Variants in VWC2 observed in about 807,000 individuals in gnomAD.
The protein encoded by VWC2 is brorin.
In VWC2, 14 loss-of-function variants were observed where a neutral mutation model predicts 29.8. The observed-to-expected ratio is 0.47, with a 90% CI of 0.31 to 0.74. The LOEUF (loss-of-function observed/expected upper bound fraction) is 0.74, where lower values mean the gene tolerates loss of function less well. Among genes scored for constraint, VWC2 ranks in the 30% least tolerant of loss-of-function variants. The pLI, the probability that VWC2 is intolerant of heterozygous loss-of-function variation, is 0.05. For missense variants in VWC2, 457 were observed against 459.8 expected (o/e 0.99, Z 0.05); for synonymous variants, 213 against 199.0 (o/e 1.07, Z -0.59).
intron 3 of VWC2, among the ~76,000 whole-genome samples, chr7:49,872,915 C>CAAAAAAAAAAAAAAAA (rs61473396): frequency 2.1e-4 from 7 of 33,948 alleles, no homozygotes; most frequent in Non-Finnish European, 3.2e-4. Flanking sequence ...GACTTTGTCT[C>CAAAAAAAAAAAAAAAA]AAAAAAAAAA....
intron 3 of VWC2, among the ~76,000 whole-genome samples, chr7:49,906,401 C>A (rs185983368): frequency 3.9e-5 from 6 of 152,014 alleles, no homozygotes; most frequent in African/African-American, 1.4e-4. Flanking sequence ...GTGGCGGCGA[C>A]CTCAGCTCAC....
At chr7:49,843,359 C>T (rs1039831043) in intron 3 of VWC2, among the ~76,000 whole-genome samples, 6 of 152,090 alleles carry the variant, frequency 3.9e-5, no homozygotes, top group Admixed American at 6.6e-5. Flanking sequence ...ATCTCCCAAG[C>T]GAAGAGGAGA....
Position 49,775,808 on chromosome 7 carries a change from G to T in VWC2, c.373G>T (p.Ala125Ser). 2 of 1,538,004 alleles carry T rather than the reference G, an allele frequency of 1.3e-6. No individual in the cohort carries two copies. The highest frequency in any genetic ancestry group is 1.8e-6 in the Non-Finnish European group (2 of 1,142,082). Reference protein sequence around the residue: ...GDTPQAEALAAAAQDAIGPEL... With the variant: ...GDTPQAEALASAAQDAIGPEL... The stretch of plus-strand genomic sequence containing the variant: ...CACCCCGCAGGCGGAAGCCCTGGCC[G>T]CAGCCGCCCAGGACGCGATTGGCCC... Residue 125 changes from alanine to serine, a missense_variant, in exon 2 of 4, where the codon GCA becomes TCA. Transcript: ENST00000340652.
At chr7:49,901,569 G>T (rs1011963390) in intron 3 of VWC2, among the ~76,000 whole-genome samples, 2 of 151,658 alleles carry the variant, frequency 1.3e-5, no homozygotes, top group Non-Finnish European at 3.0e-5. Flanking sequence ...TATATAAATA[G>T]AGAGATGTTT....
At position 49,921,608 on chromosome 7, in the gene VWC2, A is replaced by G. The variant is rs1794021182; in HGVS notation, c.*9423A>G. ...GATTAAATGAGTGAATATTTGTAAA[A>G]CACGTAGCCTAGAATAGATATTTAT... On this transcript the variant is annotated 3_prime_UTR_variant, in exon 4 of 4. Transcript: ENST00000340652. 1 of 152,166 alleles carries G rather than the reference A, an allele frequency of 6.6e-6. No individual in the cohort carries two copies. The allele number at this position is 152,166 out of a possible 1,614,324, so 9.4% of individuals were successfully genotyped here.
intron 3 of VWC2, among the ~76,000 whole-genome samples, chr7:49,902,380 GA>G (rs1450641131): frequency 6.6e-6 from 1 of 152,010 alleles, no homozygotes; most frequent in African/African-American, 2.4e-5. Context: ...GTATTGTGAA[GA>G]GGACAGACAC....
rs1791879151 is a variant in VWC2, at chr7:49,885,813, C to G, written c.827-26221C>G. 1.3e-5 allele frequency among the ~76,000 whole-genome samples: 2 copies of G among 152,190 alleles called. 1 individual carries two copies. Among genetic ancestry groups the G allele is most frequent in the South Asian group, 4.1e-4 (2 of 4,828 alleles). Reference sequence around the variant, plus strand: ...TGGACCACTAGCACCGGGGACGCAGCCCTGGAGCTGAGAAGCAGCAGCTGG... The same window carrying G: ...TGGACCACTAGCACCGGGGACGCAGGCCTGGAGCTGAGAAGCAGCAGCTGG... On this transcript the variant is annotated intron_variant, in intron 3 of 3. Coordinates refer to ENST00000340652, the MANE Select transcript of VWC2 (RefSeq NM_198570.5).
chr7:49,794,803 A>G (rs1193010284), intron 2 of VWC2, among the ~76,000 whole-genome samples: 1 of 151,976 alleles, frequency 6.6e-6, no homozygotes, highest in Non-Finnish European at 1.5e-5. Context: ...ACACCTCTCC[A>G]TCCTCATCCT....
At chr7:49,874,866 G>T (rs1017740992) in intron 3 of VWC2, among the ~76,000 whole-genome samples, 1 of 151,890 alleles carries the variant, frequency 6.6e-6, no homozygotes, top group Non-Finnish European at 1.5e-5. Context: ...CAGAGAGTAT[G>T]GCCAGAACCT....
rs995943511 is a variant in VWC2 at position 49,802,949 on chromosome 7, T to C, written c.826+109T>C. The C allele has an allele frequency of 2.0e-5, 29 of 1,437,560 alleles. No individual in the cohort carries two copies. The African/African-American group carries it at 2.2e-4, about 11-fold the overall frequency. The allele number at this position is 1,437,560 out of a possible 1,614,324, so 89.1% of individuals were successfully genotyped here. ...ATACGGATACGTGAGTTTCATCCTATGTATCAATACACATGCGTACACACG... is the reference window on the plus strand; with the variant it reads ...ATACGGATACGTGAGTTTCATCCTACGTATCAATACACATGCGTACACACG... On this transcript the variant is annotated intron_variant, in intron 3 of 3. Coordinates refer to ENST00000340652, the MANE Select transcript of VWC2 (RefSeq NM_198570.5).
In VWC2 at chr7:49,871,908, A is replaced by AACACAC. The variant is rs72332840; in HGVS notation, c.827-40081_827-40076dup. 9.5e-3 allele frequency among the ~76,000 whole-genome samples: 832 copies of AACACAC among 87,904 alleles called. 6 individuals are homozygous for AACACAC. The highest frequency in any genetic ancestry group is 0.019 in the South Asian group (37 of 1,992). 57.7% of individuals were successfully genotyped at this position (87,904 alleles called of 152,430 possible). On this transcript the variant is annotated intron_variant, in intron 3 of 3. Transcript: ENST00000340652. ...TTTTGTATGTATATGTGTGTATATA[A>AACACAC]ACACACACACACACACACACACACA...
At chr7:49,826,287 CAAG>C (rs966296728) in intron 3 of VWC2, among the ~76,000 whole-genome samples, 11 of 151,998 alleles carry the variant, frequency 7.2e-5, no homozygotes, top group Non-Finnish European at 1.5e-4. Context: ...AATGAAGACA[CAAG>C]AAATCTTTAA....
At chr7:49,845,419 T>G (rs1354584040) in intron 3 of VWC2, among the ~76,000 whole-genome samples, 3 of 152,240 alleles carry the variant, frequency 2.0e-5, no homozygotes, top group Admixed American at 2.0e-4. Flanking sequence ...CAACAATGCT[T>G]GTGATTATTA....
chr7:49,795,767 T>C (rs953202306), intron 2 of VWC2, among the ~76,000 whole-genome samples: 3 of 152,254 alleles, frequency 2.0e-5, no homozygotes, highest in Non-Finnish European at 4.4e-5. Context: ...CAGTATTTCT[T>C]GAGCTTGTTC....
intron 3 of VWC2, among the ~76,000 whole-genome samples, chr7:49,887,199 T>G (rs1023924447): frequency 5.3e-5 from 8 of 152,206 alleles, no homozygotes; most frequent in Non-Finnish European, 1.0e-4. Flanking sequence ...TCAATACTAC[T>G]GAACAGATGC....
chr7:49,904,933 AC>A (rs943500643), intron 3 of VWC2, among the ~76,000 whole-genome samples: 3 of 151,924 alleles, frequency 2.0e-5, no homozygotes, highest in African/African-American at 7.3e-5. Context: ...ATGGGGTTTC[AC>A]CATCTTGGCC....
At chr7:49,838,489 G>C (rs1276542675) in intron 3 of VWC2, among the ~76,000 whole-genome samples, 1 of 151,936 alleles carries the variant, frequency 6.6e-6, no homozygotes, top group Non-Finnish European at 1.5e-5. Flanking sequence ...AGTGGAGGAT[G>C]GGAGCCGGGA....
chr7:49,896,816 A>G (rs905432669), intron 3 of VWC2, among the ~76,000 whole-genome samples: 2 of 152,118 alleles, frequency 1.3e-5, no homozygotes, highest in African/African-American at 4.8e-5. Flanking sequence ...AAAAAATGCA[A>G]ACTACCTCAA....
chr7:49,913,220 G>A lies in VWC2; in HGVS notation c.*1035G>A, dbSNP rs990325661. ...GAATTAGCCACCCTTCACAAGCAGA[G>A]TGAGGAAGCAGTTATTTTGTTAAAA... On this transcript the variant is annotated 3_prime_UTR_variant, in exon 4 of 4. Coordinates refer to ENST00000340652, the MANE Select transcript of VWC2 (RefSeq NM_198570.5). 1 of 152,174 alleles carries A rather than the reference G, an allele frequency of 6.6e-6. No homozygotes were observed. The highest frequency in any genetic ancestry group is 6.6e-5 in the Admixed American group (1 of 15,266). 9.4% of individuals were successfully genotyped at this position (152,174 alleles called of 1,614,324 possible).
Sources: allele counts gnomAD v4.1 joint callset (sites outside exome capture counted in the v4.1 genomes callset), GRCh38; gene constraint gnomAD v4.1.1; transcripts MANE v1.5; gene names NCBI Gene and HGNC (gene_info 2026-07-23, HGNC 2026-07-21).